Variants in DNAJC12 observed in about 807,000 individuals in gnomAD.
DNAJC12 encodes DnaJ heat shock protein family (Hsp40) member C12, also known as dnaJ homolog subfamily C member 12.
A neutral mutation model predicts 28.5 loss-of-function variants in DNAJC12; 25 were observed. That is an observed-to-expected ratio of 0.88 (90% confidence interval 0.64 to 1.22). The LOEUF (loss-of-function observed/expected upper bound fraction) is 1.22. Ranked by LOEUF, DNAJC12 falls within the 50% of genes most tolerant of loss-of-function variation. The probability of loss-of-function intolerance (pLI) is 0.00; values close to 1 mark genes in which losing one functional copy is unlikely to be tolerated. For missense variants in DNAJC12, 222 were observed against 231.7 expected (o/e 0.96, Z 0.27); for synonymous variants, 77 against 80.6 (o/e 0.95, Z 0.24).
chr10:67,821,618 G>A (rs536789100), intron 2 of DNAJC12, among the ~76,000 whole-genome samples: 4 of 152,276 alleles, frequency 2.6e-5, no homozygotes, highest in Non-Finnish European at 4.4e-5. Context: ...TAAGCTGGGC[G>A]GAACATATGT....
At chr10:67,807,189 A>C (rs957435968) in intron 3 of DNAJC12, among the ~76,000 whole-genome samples, 4 of 151,902 alleles carry the variant, frequency 2.6e-5, no homozygotes, top group Admixed American at 6.6e-5. Flanking sequence ...TGAATCCGGG[A>C]GGCAGAGGTT....
At chr10:67,826,937 A>ATATATAATATATATCATGATT (rs1842042644) in intron 1 of DNAJC12, among the ~76,000 whole-genome samples, 2 of 136,306 alleles carry the variant, frequency 1.5e-5, no homozygotes, top group African/African-American at 2.7e-5. Flanking sequence ...ATATCATGAT[A>ATATATAATATATATCATGATT]TATATAATAT....
chr10:67,808,560 G>T (rs1420229125), intron 3 of DNAJC12: 4 of 151,980 alleles, frequency 2.6e-5, no homozygotes, highest in African/African-American at 9.7e-5. Context: ...AATGATCATG[G>T]TCCCTGTGCA....
intron 3 of DNAJC12, among the ~76,000 whole-genome samples, chr10:67,807,215 C>T (rs986170059): frequency 3.3e-5 from 5 of 151,758 alleles, no homozygotes; most frequent in African/African-American, 2.4e-5. Context: ...GAGCTGGTAT[C>T]GCACCACTGC....
At chr10:67,824,509 T>G in intron 1 of DNAJC12, among the ~76,000 whole-genome samples, 1 of 151,900 alleles carries the variant, frequency 6.6e-6, no homozygotes, top group East Asian at 1.9e-4. Context: ...GGAGCTTCAT[T>G]AGAGATTTTG....
At chr10:67,801,720 G>A (rs1262692257) in intron 4 of DNAJC12, among the ~76,000 whole-genome samples, 1 of 151,000 alleles carries the variant, frequency 6.6e-6, no homozygotes, top group Non-Finnish European at 1.5e-5. Context: ...AACCCAGGAG[G>A]TGGAGGTTGC....
At chr10:67,833,468 TCA>T (rs1207727861) in intron 1 of DNAJC12, among the ~76,000 whole-genome samples, 2 of 151,832 alleles carry the variant, frequency 1.3e-5, no homozygotes, top group Non-Finnish European at 2.9e-5. Context: ...TCTGTCTCTC[TCA>T]AATTTCTGTA....
rs372922344 is a variant in DNAJC12 at position 67,811,597 on chromosome 10, T to C, written c.224A>G (p.Tyr75Cys). 302 of 1,614,112 alleles carry C rather than the reference T, an allele frequency of 1.9e-4. No homozygotes were observed. Among genetic ancestry groups the C allele is most frequent in the Non-Finnish European group, 2.5e-4 (297 of 1,180,038 alleles). Reference protein sequence around the residue: ...ILTNEESRARYDHWRRSQMSM... With the variant: ...ILTNEESRARCDHWRRSQMSM... ...CATCTGGCTCCTTCGCCAGTGGTCA[T>C]AGCGGGCTCGACTCTCTTCATTGGT... Residue 75 changes from tyrosine to cysteine, a missense_variant, in exon 3 of 5, where the codon TAT (tyrosine) becomes TGT (cysteine). Physicochemically the swap from Tyr to Cys is radical, Grantham distance 194. Coordinates refer to ENST00000225171, the MANE Select transcript of DNAJC12 (RefSeq NM_021800.3).
At chr10:67,799,389 A>G (rs1841714833) in intron 4 of DNAJC12, among the ~76,000 whole-genome samples, 1 of 152,170 alleles carries the variant, frequency 6.6e-6, no homozygotes, top group African/African-American at 2.4e-5. Context: ...GATTGCTATA[A>G]TTGTTCCTAT....
intron 4 of DNAJC12, among the ~76,000 whole-genome samples, chr10:67,799,941 T>G (rs1841724030): frequency 6.7e-6 from 1 of 148,962 alleles, no homozygotes; most frequent in Admixed American, 6.8e-5. Flanking sequence ...AGACAAGAAC[T>G]TGAAACAGGT....
intron 2 of DNAJC12, among the ~76,000 whole-genome samples, chr10:67,812,589 A>G (rs1008554008): frequency 2.0e-5 from 3 of 151,998 alleles, no homozygotes; most frequent in Non-Finnish European, 2.9e-5. Context: ...CAGGCCTGTA[A>G]TCCCGGCACT....
intron 2 of DNAJC12, among the ~76,000 whole-genome samples, chr10:67,819,408 G>A (rs1322925015): frequency 6.6e-6 from 1 of 151,880 alleles, no homozygotes; most frequent in East Asian, 1.9e-4. Context: ...GGAGGCCGAG[G>A]CAGGCGAATC....
At position 67,811,536 on chromosome 10, in the gene DNAJC12, G is replaced by C; in HGVS notation, c.285C>G (p.Asp95Glu). Residue 95 changes from aspartate (D) to glutamate (E), a missense_variant, in exon 3 of 5, where the codon GAC becomes GAG. Coordinates refer to ENST00000225171, the MANE Select transcript of DNAJC12 (RefSeq NM_021800.3). ...MPFQQWEALN[D>E]SVKTSMHWVV... is the part of the protein sequence containing the mutation. Reference sequence around the variant, plus strand: ...GCGAGAAACCCACCGTCTTCACTGAGTCATTCAAAGCTTCCCACTGCTGGA... The same window carrying C: ...GCGAGAAACCCACCGTCTTCACTGACTCATTCAAAGCTTCCCACTGCTGGA... 4 of 1,614,178 alleles carry C rather than the reference G, an allele frequency of 2.5e-6. No homozygotes were observed. The highest frequency in any genetic ancestry group is 3.4e-6 in the Non-Finnish European group (4 of 1,180,018).
intron 3 of DNAJC12, among the ~76,000 whole-genome samples, chr10:67,807,563 A>G (rs1841816395): frequency 6.6e-6 from 1 of 152,206 alleles, no homozygotes; most frequent in Non-Finnish European, 1.5e-5. Flanking sequence ...CATATGCACA[A>G]AATAAAAGAG....
intron 2 of DNAJC12, chr10:67,816,109 A>G (rs1305070996): frequency 7.5e-6 from 3 of 398,408 alleles, no homozygotes; most frequent in Non-Finnish European, 1.3e-5. Flanking sequence ...CTTGCGAGAC[A>G]TTCTGATTTA....
At chr10:67,826,130 T>G (rs535053735) in intron 1 of DNAJC12, among the ~76,000 whole-genome samples, 21 of 73,438 alleles carry the variant, frequency 2.9e-4, no homozygotes, top group Non-Finnish European at 6.2e-4. Flanking sequence ...TGAAGACATA[T>G]CTTTTTTTTT....
chr10:67,819,682 GAAAGAAAGAAAGA>G (rs1564863152), intron 2 of DNAJC12, among the ~76,000 whole-genome samples: 10 of 13,680 alleles, frequency 7.3e-4, no homozygotes, highest in Admixed American at 3.2e-3. Flanking sequence ...AAGAAAGAAA[GAAAGAAAGAAAGA>G]AAGGAAGGAA....
chr10:67,835,747 CAT>C (rs1554886035), intron 1 of DNAJC12, among the ~76,000 whole-genome samples: 2 of 147,942 alleles, frequency 1.4e-5, no homozygotes, highest in African/African-American at 5.1e-5. Context: ...CACACACACA[CAT>C]ATATATAAAG....
intron 4 of DNAJC12, among the ~76,000 whole-genome samples, chr10:67,799,873 A>ACTCTAT (rs1256267185): frequency 1.9e-5 from 1 of 53,910 alleles, no homozygotes; most frequent in African/African-American, 5.3e-5. Flanking sequence ...ACAGAGCGAG[A>ACTCTAT]CTGTCAAAAA....
Sources: gnomAD v4.1 joint callset for allele counts (sites outside exome capture counted in the v4.1 genomes callset) on GRCh38, gnomAD v4.1.1 for gene constraint, MANE v1.5 for transcripts, NCBI Gene and HGNC (gene_info 2026-07-23, HGNC 2026-07-21) for gene names.